The following IGF2 variants were observed in gnomAD, a reference collection of about 807,000 sequenced individuals.
IGF2 encodes insulin like growth factor 2, also known as insulin-like growth factor 2.
IGF2 carries 2 observed loss-of-function variants against 12.0 expected under a neutral mutation model. The observed-to-expected ratio is 0.17, with a 90% confidence interval of 0.07 to 0.52. IGF2 has a LOEUF of 0.52. Ranked by LOEUF, IGF2 falls within the 20% of genes least tolerant of loss-of-function variation. IGF2 has a pLI of 0.95. For synonymous variants in IGF2, 105 were observed against 110.1 expected, an observed-to-expected ratio of 0.95 and a Z score of 0.29; for missense variants, 211 against 268.0, an observed-to-expected ratio of 0.79 and a Z score of 1.48.
the IGF2 span, chr11:2,149,203 G>A: frequency 1.2e-6 from 2 of 1,613,420 alleles, no homozygotes; most frequent in Non-Finnish European, 1.7e-6. Flanking sequence ...TGGTGCCCAA[G>A]GCTCTCTGCC....
Position 2,131,377 on chromosome 11 carries a change from G to A in IGF2, c.*1610C>T, listed in dbSNP as rs892316096. ...CTTTGGCCTGATCCATACAGATATC[G>A]TAGTTGCTTAGATATGCTTATTGTT... On this transcript the variant is annotated 3_prime_UTR_variant, in exon 4 of 4. Coordinates refer to ENST00000416167, the MANE Select transcript of IGF2 (RefSeq NM_000612.6). The A allele has an allele frequency of 1.3e-5, 3 of 233,272 alleles. No homozygotes were observed. Among genetic ancestry groups the A allele is most frequent in the East Asian group, 1.2e-4 (2 of 16,598 alleles). The allele number at this position is 233,272 out of a possible 1,614,324, so 14.5% of individuals were successfully genotyped here.
chr11:2,133,678 C>T lies in IGF2; in HGVS notation c.158-13G>A, dbSNP rs754067209. 3 of 1,612,576 alleles carry T rather than the reference C, an allele frequency of 1.9e-6. No homozygotes were observed. Among genetic ancestry groups the T allele is most frequent in the African/African-American group, 1.3e-5 (1 of 74,920 alleles). On this transcript the variant is annotated splice_polypyrimidine_tract_variant and intron_variant, in intron 2 of 3. Coordinates refer to ENST00000416167, the MANE Select transcript of IGF2 (RefSeq NM_000612.6). The surrounding 1 kb of genome is among the most constrained non-coding windows in gnomAD (Gnocchi z 8.9). ...CTTGCGGGCCTGCCTGGAAGTCCCA[C>T]AGCACAGAGAGAGCCGTGTTAGCAC...
upstream of IGF2, chr11:2,140,804 A>T: frequency 3.2e-6 from 1 of 311,102 alleles, no homozygotes; most frequent in Non-Finnish European, 6.1e-6. Flanking sequence ...ATGCGGGCCG[A>T]GAGCCGGTCA....
the IGF2 span, chr11:2,147,939 G>T: frequency 7.1e-6 from 4 of 567,190 alleles, no homozygotes; most frequent in Non-Finnish European, 1.1e-5. The surrounding 1 kb of genome is among the most constrained non-coding windows in gnomAD (Gnocchi z 7.2). Context: ...GTCAGGATCT[G>T]GGCAGCGGCT....
At chr11:2,138,066 C>T (rs1171761111) in intron 1 of IGF2, among the ~76,000 whole-genome samples, 163 bp downstream of exon 1, 1 of 151,902 alleles carries the variant, frequency 6.6e-6, no homozygotes, top group African/African-American at 2.4e-5. Context: ...GGACCCGCAG[C>T]CGTCCGTCCT....
chr11:2,131,934 G>A lies in IGF2; in HGVS notation c.*1053C>T, dbSNP rs1419957047. On this transcript the variant is annotated 3_prime_UTR_variant, in exon 4 of 4. Transcript: ENST00000416167. ...GTGTGCTGTGTGTGCATGTGTGTGC[G>A]TGTGTGTGCCGTGCGTTTGTGTGCT... 4.8e-5 allele frequency: 7 copies of A among 147,064 alleles called. No individual in the cohort carries two copies. Among genetic ancestry groups the A allele is most frequent in the East Asian group, 1.1e-4 (1 of 9,264 alleles). The allele number at this position is 147,064 out of a possible 1,614,324, so 9.1% of individuals were successfully genotyped here.
upstream of IGF2, among the ~76,000 whole-genome samples, chr11:2,145,879 C>T (rs763261733): frequency 1.3e-5 from 2 of 152,204 alleles, no homozygotes; most frequent in African/African-American, 2.4e-5. Context: ...AGACCAGCAT[C>T]GGGGTTCTTC....
chr11:2,149,067 C>A, the IGF2 span: 1 of 1,518,844 alleles, frequency 6.6e-7, no homozygotes, highest in Non-Finnish European at 9.1e-7. Context: ...GGCCCACCCA[C>A]GCCTGAACAC....
the IGF2 span, chr11:2,149,183 G>A: frequency 2.0e-5 from 33 of 1,613,296 alleles, no homozygotes; most frequent in South Asian, 2.2e-4. Context: ...AAAGAGGACC[G>A]GGGAGTCACT....
upstream of IGF2, among the ~76,000 whole-genome samples, chr11:2,142,180 A>T (rs146128665): frequency 6.6e-6 from 1 of 151,886 alleles, no homozygotes; most frequent in Admixed American, 6.6e-5. The surrounding 1 kb of genome is among the most constrained non-coding windows in gnomAD (Gnocchi z 5.7). Flanking sequence ...CAGGGACCAT[A>T]AAGTCAGGAG....
At chr11:2,140,347 CA>C, upstream of IGF2, 2 of 1,542,074 alleles carry the variant, frequency 1.3e-6, no homozygotes, top group Non-Finnish European at 1.8e-6. Flanking sequence ...TTTACCAAGT[CA>C]AAAACCACGC....
At position 2,133,370 on chromosome 11, in the gene IGF2, T is replaced by A. The variant is rs559158637; in HGVS notation, c.306+147A>T. 11 of 1,044,482 alleles carry A rather than the reference T, an allele frequency of 1.1e-5. No homozygotes were observed. In the African/African-American group the frequency reaches 1.5e-4, roughly 14 times the overall value. The allele number at this position is 1,044,482 out of a possible 1,614,324, so 64.7% of individuals were successfully genotyped here. On this transcript the variant is annotated intron_variant, in intron 3 of 3. Coordinates refer to ENST00000416167, the MANE Select transcript of IGF2 (RefSeq NM_000612.6). This position sits in a 1 kb window ranked among gnomAD's most constrained non-coding sequence, Gnocchi z 8.9. ...CAGAGGGACAGAAGGAGCCAGCGTC[T>A]GAGCTGCTCCCGGGCCACACAGCAA...
chr11:2,148,725 G>T, the IGF2 span: 1 of 207,862 alleles, frequency 4.8e-6, no homozygotes, highest in Non-Finnish European at 9.7e-6. The surrounding 1 kb of genome is among the most constrained non-coding windows in gnomAD (Gnocchi z 4.3). Flanking sequence ...TGGGATGGGG[G>T]ATGCAACGGG....
chr11:2,134,905 T>A (rs1858888690), intron 2 of IGF2, among the ~76,000 whole-genome samples: 2 of 152,214 alleles, frequency 1.3e-5, no homozygotes, highest in African/African-American at 4.8e-5. Flanking sequence ...CAACTGCACT[T>A]GTCTTATTGA....
At chr11:2,139,467 C>CGCGCCCGCGCCAATGG (rs1358941493), upstream of IGF2, 1 of 146,248 alleles carries the variant, frequency 6.8e-6, no homozygotes, top group East Asian at 2.0e-4. Context: ...TCGCTGGCCT[C>CGCGCCCGCGCCAATGG]GCGCCCGCGC....
Position 2,133,181 on chromosome 11 carries a change from C to A in IGF2, c.349G>T (p.Asp117Tyr). ...CGCTGGGTGGACTGCTTCCAGGTGT[C>A]ATATTGGAAGAACTTGCCCACGGGG... ...RYPVGKFFQY[D>Y]TWKQSTQRLR... is the part of the protein sequence containing the mutation. Residue 117 changes from aspartate to tyrosine, a missense_variant, in exon 4 of 4, where the codon GAC becomes TAC. By Grantham distance (160) the Asp-to-Tyr change is radical (BLOSUM62 -3). Around this residue, in one of 3 missense-constraint regions of IGF2, gnomAD observed 141 missense variants for 153.1 expected, o/e 0.92. Transcript: ENST00000416167. This position sits in a 1 kb window ranked among gnomAD's most constrained non-coding sequence, Gnocchi z 8.9. The A allele has an allele frequency of 6.3e-7, 1 of 1,580,260 alleles. No individual in the cohort carries two copies. Among genetic ancestry groups the A allele is most frequent in the Non-Finnish European group, 8.6e-7 (1 of 1,161,702 alleles).
At chr11:2,146,767 G>C in the IGF2 span, 1 of 237,358 alleles carries the variant, frequency 4.2e-6, no homozygotes, top group Non-Finnish European at 8.5e-6. Context: ...CAGGTACAGG[G>C]ACTCCAATCC....
rs566280780 is a variant in IGF2 at position 2,131,641 on chromosome 11, T to C, written c.*1346A>G. 143 of 205,864 alleles carry C rather than the reference T, an allele frequency of 6.9e-4. 1 individual carries two copies. In the East Asian group the frequency reaches 9.7e-3, roughly 14 times the overall value. The allele number at this position is 205,864 out of a possible 1,614,324, so 12.8% of individuals were successfully genotyped here. On this transcript the variant is annotated 3_prime_UTR_variant, in exon 4 of 4. Transcript: ENST00000416167. Reference sequence around the variant, plus strand: ...GTGCATGTGTGTGCTGTGTGCTGTGTTCATGTGTGTGCTGTGTGTGCGTGT... The same window carrying C: ...GTGCATGTGTGTGCTGTGTGCTGTGCTCATGTGTGTGCTGTGTGTGCGTGT...
chr11:2,132,728 G>C lies in IGF2; in HGVS notation c.*259C>G. 2 of 383,628 alleles carry C rather than the reference G, an allele frequency of 5.2e-6. No individual in the cohort carries two copies. Among genetic ancestry groups the C allele is most frequent in the East Asian group, 7.5e-5 (2 of 26,554 alleles). The allele number at this position is 383,628 out of a possible 1,614,324, so 23.8% of individuals were successfully genotyped here. The stretch of plus-strand genomic sequence containing the variant: ...GTGGGGATAATTGGGGATAATTTGG[G>C]GGGAGGGTATGTGAAGGGTGTTTAA... On this transcript the variant is annotated 3_prime_UTR_variant, in exon 4 of 4. Transcript: ENST00000416167.
Sources: allele counts gnomAD v4.1 joint callset (sites outside exome capture counted in the v4.1 genomes callset), GRCh38; gene constraint gnomAD v4.1.1; regional missense constraint gnomAD v4.1.1; non-coding constraint Gnocchi (gnomAD v3.1); transcripts MANE v1.5; gene names NCBI Gene and HGNC (gene_info 2026-07-23, HGNC 2026-07-21).